Variants in DNAH11 observed in about 807,000 individuals in gnomAD.
The protein encoded by DNAH11 is dynein axonemal heavy chain 11, also known as axonemal beta dynein heavy chain 11.
A neutral mutation model predicts 526.0 loss-of-function variants in DNAH11; 442 were observed. The ratio of observed to expected loss-of-function variants is 0.84; its 90% CI spans 0.78 to 0.91. DNAH11 has a LOEUF of 0.91. Among genes scored for constraint, DNAH11 ranks in the 40% least tolerant of loss-of-function variants. The probability of loss-of-function intolerance (pLI) is 0.00; values close to 1 mark genes in which losing one functional copy is unlikely to be tolerated. For synonymous variants in DNAH11, 2,461 were observed against 1,935.9 expected, an observed-to-expected ratio of 1.27 and a Z score of -7.12; for missense variants, 6,989 against 5,448.7, an observed-to-expected ratio of 1.28 and a Z score of -8.90.
intron 30 of DNAH11, among the ~76,000 whole-genome samples, chr7:21,665,051 C>G (rs1395460244): frequency 6.6e-6 from 1 of 151,936 alleles, no homozygotes; most frequent in Non-Finnish European, 1.5e-5. Context: ...TTCTTGTTGT[C>G]AGGAAGGGAT....
chr7:21,841,224 C>T (rs1210096184), intron 65 of DNAH11, among the ~76,000 whole-genome samples: 2 of 151,914 alleles, frequency 1.3e-5, no homozygotes, highest in African/African-American at 4.8e-5. Context: ...AATATTTCAT[C>T]TTTATAAAAA....
At chr7:21,620,966 GTT>G in intron 25 of DNAH11, among the ~76,000 whole-genome samples, 2 of 152,090 alleles carry the variant, frequency 1.3e-5, no homozygotes, top group Middle Eastern at 6.8e-3. Context: ...GTCTATCCTC[GTT>G]GGACATTTGG....
At chr7:21,556,907 G>T (rs1365327004) in intron 2 of DNAH11, among the ~76,000 whole-genome samples, 1 of 151,886 alleles carries the variant, frequency 6.6e-6, no homozygotes, top group African/African-American at 2.4e-5. Context: ...ACTAAAATAC[G>T]AAAACTAGCT....
chr7:21,898,308 T>C (rs1025218557), intron 79 of DNAH11, among the ~76,000 whole-genome samples: 2 of 152,196 alleles, frequency 1.3e-5, no homozygotes, highest in South Asian at 2.1e-4. Context: ...AAGAACTTAA[T>C]ATAGGTCCGG....
chr7:21,565,382 A>C (rs1379614521), intron 6 of DNAH11, among the ~76,000 whole-genome samples: 1 of 152,202 alleles, frequency 6.6e-6, no homozygotes, highest in African/African-American at 2.4e-5. Context: ...TAGGCTTTCA[A>C]TATTTATCAA....
At chr7:21,877,140 T>G (rs1344046017) in intron 74 of DNAH11, among the ~76,000 whole-genome samples, 3 of 152,212 alleles carry the variant, frequency 2.0e-5, no homozygotes, top group Non-Finnish European at 4.4e-5. Flanking sequence ...GTTGCCTGGG[T>G]GTCCCTCACA....
chr7:21,868,435 G>A (rs903750090), intron 72 of DNAH11, among the ~76,000 whole-genome samples: 1 of 152,074 alleles, frequency 6.6e-6, no homozygotes, highest in Non-Finnish European at 1.5e-5. Flanking sequence ...ACCTGACTGT[G>A]CTCAATTTAA....
rs1785301833 is a variant in DNAH11, at chr7:21,606,717, A to T, written c.3836A>T (p.Tyr1279Phe). 6.2e-7 allele frequency: 1 copy of T among 1,609,780 alleles called. No homozygotes were observed. Among genetic ancestry groups the T allele is most frequent in the Non-Finnish European group, 8.5e-7 (1 of 1,178,436 alleles). The change falls in exon 20 of 82, where the codon TAC becomes TTC. Residue 1279 changes from tyrosine to phenylalanine, a missense_variant. Physicochemically the swap from Tyr to Phe is conservative, Grantham distance 22. Transcript: ENST00000409508. ...APLGFNAENP[Y>F]TALDKANEEL... ...CTTGGATTTAATGCAGAAAATCCAT[A>T]CACAGCGCTTGATAAGGTAATACAG...
chr7:21,691,137 A>G (rs970402745), intron 35 of DNAH11, among the ~76,000 whole-genome samples: 1 of 150,926 alleles, frequency 6.6e-6, no homozygotes, highest in Non-Finnish European at 1.5e-5. Flanking sequence ...TTTGTAATGC[A>G]TATTTTTATT....
chr7:21,842,454 C>T (rs1782241975), intron 65 of DNAH11, 90 bp from the exon 66 acceptor site: 6 of 1,120,112 alleles, frequency 5.4e-6, no homozygotes, highest in Non-Finnish European at 7.4e-6. Flanking sequence ...TGGCCAAGGT[C>T]CATTATAAGA....
At chr7:21,769,815 T>C (rs1201687262) in intron 55 of DNAH11, among the ~76,000 whole-genome samples, 2 of 152,070 alleles carry the variant, frequency 1.3e-5, no homozygotes, top group Non-Finnish European at 2.9e-5. Context: ...TCCTCCTGAG[T>C]CTTCAGTTGC....
chr7:21,578,865 C>G (rs184124332), intron 8 of DNAH11, among the ~76,000 whole-genome samples: 7 of 152,276 alleles, frequency 4.6e-5, no homozygotes, highest in Admixed American at 3.9e-4. Flanking sequence ...AGATCTAAAC[C>G]CCTGCCTGTC....
intron 25 of DNAH11, among the ~76,000 whole-genome samples, chr7:21,620,619 T>A (rs1786002094): frequency 6.6e-6 from 1 of 151,848 alleles, no homozygotes; most frequent in African/African-American, 2.4e-5. Flanking sequence ...AATGTGCAGG[T>A]TAGTTACATA....
At chr7:21,714,670 A>G (rs868424796) in intron 42 of DNAH11, among the ~76,000 whole-genome samples, 8 of 152,350 alleles carry the variant, frequency 5.3e-5, no homozygotes, top group Middle Eastern at 3.4e-3. Flanking sequence ...AATAAAGTTC[A>G]AAACTATAGA....
chr7:21,817,136 G>A (rs1364657377), intron 64 of DNAH11, among the ~76,000 whole-genome samples: 2 of 152,040 alleles, frequency 1.3e-5, no homozygotes, highest in Non-Finnish European at 2.9e-5. Context: ...CCAACATTGG[G>A]TGCCTGAAGT....
At chr7:21,760,429 GGAAGGATTCAGCT>G (rs1184568545) in intron 54 of DNAH11, among the ~76,000 whole-genome samples, 14 of 152,104 alleles carry the variant, frequency 9.2e-5, no homozygotes, top group Non-Finnish European at 4.4e-5. Context: ...ATATTTCCAT[GGAAGGATTCAGCT>G]GACCTCGTAA....
chr7:21,901,390 G>GAGTGAAAGTCAGAAAA lies in DNAH11; in HGVS notation c.*138_*153dup. The GAGTGAAAGTCAGAAAA allele has an allele frequency of 8.0e-7, 1 of 1,253,798 alleles. No individual in the cohort carries two copies. The highest frequency in any genetic ancestry group is 1.0e-6 in the Non-Finnish European group (1 of 970,158). 77.7% of individuals were successfully genotyped at this position (1,253,798 alleles called of 1,614,324 possible). A position where few individuals can be genotyped will look rare whatever the true frequency, so the allele number is the denominator to read the frequency against. On this transcript the variant is annotated 3_prime_UTR_variant, in exon 82 of 82. Coordinates refer to ENST00000409508, the MANE Select transcript of DNAH11 (RefSeq NM_001277115.2). ...CATTCTTTTTTCAACGCTATCCTTA[G>GAGTGAAAGTCAGAAAA]AGTGAAAGTCAGAAAAAAATACTAG...
chr7:21,773,954 A>G lies in DNAH11; in HGVS notation c.9291A>G (p.Glu3097=). 6.3e-7 allele frequency: 1 copy of G among 1,584,460 alleles called. No individual in the cohort carries two copies. The highest frequency in any genetic ancestry group is 8.6e-7 in the Non-Finnish European group (1 of 1,165,310). The change falls in exon 56 of 82, where the codon GAA becomes GAG. Residue 3097 remains glutamate, a synonymous_variant. Transcript: ENST00000409508. ...KKQNEVSEKK[E]RLVNGIQKLK... The stretch of plus-strand genomic sequence containing the variant: ...AAAATGAGGTATCCGAGAAAAAAGA[A>G]CGCCTGGTGAACGGCATCCAAAAGC...
chr7:21,605,883 G>C (rs1226989809), intron 18 of DNAH11, among the ~76,000 whole-genome samples: 2 of 152,104 alleles, frequency 1.3e-5, no homozygotes, highest in Non-Finnish European at 2.9e-5. Flanking sequence ...GAACAATTCT[G>C]GTACATGCTT....
Sources: gnomAD v4.1 joint callset for allele counts (sites outside exome capture counted in the v4.1 genomes callset) on GRCh38, gnomAD v4.1.1 for gene constraint, MANE v1.5 for transcripts, NCBI Gene and HGNC (gene_info 2026-07-23, HGNC 2026-07-21) for gene names.